The following ADCY2 variants were observed in gnomAD, a reference collection of about 807,000 sequenced individuals.
ADCY2 encodes adenylate cyclase 2, also known as adenylate cyclase type 2.
In ADCY2, 31 loss-of-function variants were observed where a neutral mutation model predicts 125.2. That is an observed-to-expected ratio of 0.25 (90% CI 0.19 to 0.33). The LOEUF is 0.33. Among genes scored for constraint, ADCY2 ranks in the 10% least tolerant of loss-of-function variants. ADCY2 has a pLI of 1.00. For synonymous variants in ADCY2, 512 were observed against 548.4 expected (o/e 0.93, Z 0.93); for missense variants, 904 against 1,418.2 (o/e 0.64, Z 5.82).
intron 12 of ADCY2, among the ~76,000 whole-genome samples, chr5:7,724,114 C>CAAAAAA (rs1272949604): frequency 0.01 from 776 of 74,420 alleles, no homozygotes; most frequent in East Asian, 0.03. Context: ...TAGAAGCTAA[C>CAAAAAA]AAAAAAAAAA....
chr5:7,430,043 A>G (rs1740530866), intron 2 of ADCY2, among the ~76,000 whole-genome samples: 1 of 152,156 alleles, frequency 6.6e-6, no homozygotes, highest in African/African-American at 2.4e-5. Context: ...TATAGGTTCT[A>G]CAGACCTTAA....
At chr5:7,742,993 TTTAA>T (rs561001756) in intron 14 of ADCY2, among the ~76,000 whole-genome samples, 400 of 152,316 alleles carry the variant, frequency 2.6e-3, no homozygotes, top group African/African-American at 9.4e-3. Context: ...CTTTGAATTA[TTTAA>T]TTATTTAAGG....
At chr5:7,475,880 G>A (rs1742507433) in intron 2 of ADCY2, among the ~76,000 whole-genome samples, 1 of 152,134 alleles carries the variant, frequency 6.6e-6, no homozygotes, top group Non-Finnish European at 1.5e-5. Flanking sequence ...AGTGGACTTT[G>A]GAACAGCCAA....
At chr5:7,808,809 G>A (rs549750182) in intron 22 of ADCY2, among the ~76,000 whole-genome samples, 2 of 152,040 alleles carry the variant, frequency 1.3e-5, no homozygotes, top group African/African-American at 4.8e-5. Flanking sequence ...CCCTTGCCAG[G>A]AGCCCCATTC....
At chr5:7,647,914 G>A (rs1738954943) in intron 4 of ADCY2, among the ~76,000 whole-genome samples, 2 of 152,146 alleles carry the variant, frequency 1.3e-5, no homozygotes, top group African/African-American at 4.8e-5. Flanking sequence ...GAACAAATAA[G>A]CGGACCTTCT....
intron 2 of ADCY2, among the ~76,000 whole-genome samples, chr5:7,434,986 A>T (rs1249132433): frequency 6.6e-6 from 1 of 152,204 alleles, no homozygotes. Context: ...CCTATCGCTA[A>T]CCAAAATATC....
chr5:7,492,302 G>C (rs533175741), intron 2 of ADCY2, among the ~76,000 whole-genome samples: 2 of 152,216 alleles, frequency 1.3e-5, no homozygotes, highest in Non-Finnish European at 2.9e-5. Context: ...GTAAAGACCT[G>C]TAGTGTCACA....
rs1743528161 is a variant in ADCY2, at chr5:7,770,708, GC to G, written c.2215-2219del. ...GACAGGATCACTGAATAAGAGCCTT[GC>G]CCCCACCAGTTCCTGGGGCAATTTC... On this transcript the variant is annotated intron_variant, in intron 17 of 24. Coordinates refer to ENST00000338316, the MANE Select transcript of ADCY2 (RefSeq NM_020546.3). Among the ~76,000 whole-genome samples, 7 of 152,238 alleles carry G rather than the reference GC, an allele frequency of 4.6e-5. No homozygotes were observed. In the South Asian group the frequency reaches 1.5e-3, roughly 32 times the overall value.
At chr5:7,422,193 G>T (rs974381030) in intron 2 of ADCY2, among the ~76,000 whole-genome samples, 72 of 152,102 alleles carry the variant, frequency 4.7e-4, no homozygotes, top group African/African-American at 1.5e-3. Context: ...TTTATTTGAT[G>T]ATTTTGTTTT....
chr5:7,460,951 G>A (rs1400395354), intron 2 of ADCY2, among the ~76,000 whole-genome samples: 1 of 152,164 alleles, frequency 6.6e-6, no homozygotes, highest in African/African-American at 2.4e-5. Flanking sequence ...CTCAGCCACA[G>A]TTGTTTATAT....
intron 2 of ADCY2, among the ~76,000 whole-genome samples, chr5:7,496,751 T>C (rs930628620): frequency 6.6e-6 from 1 of 152,152 alleles, no homozygotes; most frequent in African/African-American, 2.4e-5. Flanking sequence ...TTAATTACGT[T>C]AGGAGTGAAG....
At chr5:7,778,640 T>G (rs1743817801) in intron 18 of ADCY2, among the ~76,000 whole-genome samples, 1 of 152,206 alleles carries the variant, frequency 6.6e-6, no homozygotes, top group Non-Finnish European at 1.5e-5. Flanking sequence ...CTTGCACCTG[T>G]CACTGAGATG....
At chr5:7,791,804 C>T (rs1744255006) in intron 20 of ADCY2, among the ~76,000 whole-genome samples, 2 of 152,042 alleles carry the variant, frequency 1.3e-5, no homozygotes, top group South Asian at 2.1e-4. Context: ...CCTCATCCTC[C>T]GTGGGCGCCT....
intron 3 of ADCY2, among the ~76,000 whole-genome samples, chr5:7,554,606 A>T (rs895949751): frequency 1.3e-5 from 2 of 152,192 alleles, no homozygotes; most frequent in African/African-American, 4.8e-5. Context: ...GCCAAAAAGC[A>T]TGTCTGTTCA....
At chr5:7,793,610 C>T (rs1012659600) in intron 20 of ADCY2, 3 of 73,916 alleles carry the variant, frequency 4.1e-5, no homozygotes, top group Non-Finnish European at 8.7e-5. Flanking sequence ...GGCACTGCCT[C>T]ACTGCAAGGG....
intron 4 of ADCY2, among the ~76,000 whole-genome samples, chr5:7,639,372 G>A (rs1035787589): frequency 3.3e-5 from 5 of 152,186 alleles, no homozygotes; most frequent in African/African-American, 1.2e-4. Flanking sequence ...ATGACCAAGA[G>A]TCCACTGCAC....
At chr5:7,400,237 G>A (rs1739213668) in intron 1 of ADCY2, among the ~76,000 whole-genome samples, 1 of 152,122 alleles carries the variant, frequency 6.6e-6, no homozygotes, top group Non-Finnish European at 1.5e-5. Context: ...GAGAAATAAA[G>A]TAGATTTTTT....
At chr5:7,427,512 T>A (rs1740429034) in intron 2 of ADCY2, among the ~76,000 whole-genome samples, 1 of 152,032 alleles carries the variant, frequency 6.6e-6, no homozygotes, top group South Asian at 2.1e-4. Flanking sequence ...GAGAACAGCA[T>A]GGGGGAAACT....
rs545188738 is a variant in ADCY2, at chr5:7,784,742, A to T, written c.2469+293A>T. 6.6e-5 allele frequency among the ~76,000 whole-genome samples: 10 copies of T among 152,168 alleles called. No individual in the cohort carries two copies. The East Asian group carries it at 1.9e-3, about 30-fold the overall frequency. ...AATTTTGTAGTTTTTGTAAGCCTAC[A>T]AAAGTGTTCCTTCAATAACTGACAC... is the stretch of plus-strand genomic sequence containing the variant. On this transcript the variant is annotated intron_variant, in intron 19 of 24. Transcript: ENST00000338316.
Sources: allele counts gnomAD v4.1 joint callset (sites outside exome capture counted in the v4.1 genomes callset), GRCh38; gene constraint gnomAD v4.1.1; transcripts MANE v1.5; gene names NCBI Gene and HGNC (gene_info 2026-07-23, HGNC 2026-07-21).